Variants in PMEL observed in about 807,000 individuals in gnomAD.
PMEL encodes premelanosome protein.
In PMEL, 53 loss-of-function variants were observed where a neutral mutation model predicts 64.9. That is an observed-to-expected ratio of 0.82 (90% CI 0.66 to 1.03). The LOEUF (loss-of-function observed/expected upper bound fraction) is 1.03. Among genes scored for constraint, PMEL ranks in the 50% least tolerant of loss-of-function variants. The probability of loss-of-function intolerance (pLI) is 0.00; values close to 1 mark genes in which losing one functional copy is unlikely to be tolerated. For synonymous variants in PMEL, 299 were observed against 316.2 expected, an observed-to-expected ratio of 0.95 and a Z score of 0.58; for missense variants, 716 against 814.9, an observed-to-expected ratio of 0.88 and a Z score of 1.48.
At chr12:55,957,796 G>A in intron 5 of PMEL, 125 bp from the exon 6 acceptor site, 1 of 1,511,612 alleles carries the variant, frequency 6.6e-7, no homozygotes, top group Non-Finnish European at 8.9e-7. Context: ...ACATTTCTCT[G>A]CCTAGGTCTT....
chr12:55,955,236 G>C (rs1233305914), intron 10 of PMEL, 38 bp downstream of exon 10: 3 of 1,387,760 alleles, frequency 2.2e-6, no homozygotes, highest in Admixed American at 1.7e-5. Flanking sequence ...GTGATAATAA[G>C]GGATAAGGGG....
intron 1 of PMEL, among the ~76,000 whole-genome samples, chr12:55,962,367 C>T (rs561533384): frequency 6.0e-4 from 83 of 138,548 alleles, no homozygotes; most frequent in Non-Finnish European, 7.0e-4. Flanking sequence ...TGCTTGAACC[C>T]GGGAGGCAGA....
rs1888944990 is a variant in PMEL, at chr12:55,957,682, A to G, written c.632-11T>C. The G allele has an allele frequency of 6.2e-7, 1 of 1,602,358 alleles. No individual in the cohort carries two copies. The highest frequency in any genetic ancestry group is 1.3e-5 in the African/African-American group (1 of 74,544). ...AGAAAGGCACCTGGTCTGGGATTGG[A>G]GCCAGAAAAGGTGAGAACCAGGCCT... On this transcript the variant is annotated splice_polypyrimidine_tract_variant and intron_variant, in intron 5 of 10. Coordinates refer to ENST00000548747, the MANE Select transcript of PMEL (RefSeq NM_001384361.1).
Position 55,957,130 on chromosome 12 carries a change from C to T in PMEL, c.1173G>A (p.Glu391=), listed in dbSNP as rs201685117. The part of the protein sequence containing the change: ...VSEVMGTTLA[E]MSTPEATGMT... ...TACCTGTAGCCTCTGGAGTTGACAT[C>T]TCTGCCAGTGTGGTACCCATGACCT... Residue 391 remains glutamate, a synonymous_variant, in exon 6 of 11, where the codon GAG becomes GAA. Coordinates refer to ENST00000548747, the MANE Select transcript of PMEL (RefSeq NM_001384361.1). 192 of 1,614,236 alleles carry T rather than the reference C, an allele frequency of 1.2e-4. 1 individual carries two copies. The East Asian group carries it at 2.5e-3, about 21-fold the overall frequency.
rs948007249 is a variant in PMEL at position 55,961,184 on chromosome 12, G to A, written c.334+133C>T. On this transcript the variant is annotated intron_variant, in intron 3 of 10. Transcript: ENST00000548747. ...TGCGCCACTGCACTCCAGCCTGGGC[G>A]ACAGAGCGAGACTCCGTCTCAAAAA... The A allele has an allele frequency of 2.5e-5, 20 of 787,274 alleles. No homozygotes were observed. The African/African-American group carries it at 2.6e-4, about 10-fold the overall frequency. 48.8% of individuals were successfully genotyped at this position (787,274 alleles called of 1,614,324 possible).
At chr12:55,966,682 G>A (rs1889314402), upstream of PMEL, 2 of 1,091,930 alleles carry the variant, frequency 1.8e-6, no homozygotes, top group Admixed American at 4.7e-5. Flanking sequence ...ACTTGCCTGG[G>A]GCGGGATCAT....
At position 55,954,368 on chromosome 12, in the gene PMEL, G is replaced by A; in HGVS notation, c.1851-19C>T. The A allele has an allele frequency of 2.5e-6, 4 of 1,613,726 alleles. No individual in the cohort carries two copies. The highest frequency in any genetic ancestry group is 2.5e-6 in the Non-Finnish European group (3 of 1,179,788). On this transcript the variant is annotated intron_variant, in intron 10 of 10. Transcript: ENST00000548747. ...TCTGCGCCTGATATTGGGAGAAGGG[G>A]TAAACTGGTTAGCAATGGACAAAGG...
At chr12:55,954,944 A>C (rs1888797809) in intron 10 of PMEL, among the ~76,000 whole-genome samples, 1 of 151,334 alleles carries the variant, frequency 6.6e-6, no homozygotes, top group East Asian at 1.9e-4. Context: ...AACTGCCCCC[A>C]CTCTTCATAT....
At chr12:55,956,859 G>A (rs1452762656) in intron 6 of PMEL, 90 bp downstream of exon 6, 3 of 1,398,176 alleles carry the variant, frequency 2.1e-6, no homozygotes, top group Non-Finnish European at 3.0e-6. Context: ...CTAAGCAAAG[G>A]ATTGGGTAAC....
chr12:55,966,660 C>T (rs940182540), upstream of PMEL: 36 of 1,070,742 alleles, frequency 3.4e-5, no homozygotes, highest in Middle Eastern at 4.5e-4. Flanking sequence ...TTGTCTAGCC[C>T]CCAAGAACCA....
In PMEL at chr12:55,958,649, T is replaced by C. The variant is rs1413210529; in HGVS notation, c.335-42A>G. The C allele has an allele frequency of 3.1e-6, 5 of 1,594,026 alleles. No individual in the cohort carries two copies. In the Admixed American group the frequency reaches 8.8e-5, roughly 28 times the overall value. ...GAGTCACTCTCAAACCCTGGCATTC[T>C]TTTTTGTATATCAAAACCCCTAAAA... On this transcript the variant is annotated intron_variant, in intron 3 of 10. Coordinates refer to ENST00000548747, the MANE Select transcript of PMEL (RefSeq NM_001384361.1).
At chr12:55,959,579 T>C (rs1889023282) in intron 3 of PMEL, among the ~76,000 whole-genome samples, 1 of 151,950 alleles carries the variant, frequency 6.6e-6, no homozygotes, top group Non-Finnish European at 1.5e-5. Context: ...CTGAAGCGGT[T>C]AAATCACCTG....
chr12:55,958,063 C>T lies in PMEL; in HGVS notation c.491G>A (p.Gly164Glu), dbSNP rs745730259. The change falls in exon 5 of 11, where the codon GGG (glycine) becomes GAG (glutamate). Residue 164 changes from glycine (G) to glutamate (E), a missense_variant. Coordinates refer to ENST00000548747, the MANE Select transcript of PMEL (RefSeq NM_001384361.1). ...KTWGQYWQVLGGPVSGLSIGT... is the reference protein window; with the variant it reads ...KTWGQYWQVLEGPVSGLSIGT... ...AATGCTCAGCCCAGACACTGGGCCCCCTAGAACTTGCCAGTATTGGCCTGA... is the reference window on the plus strand; with the variant it reads ...AATGCTCAGCCCAGACACTGGGCCCTCTAGAACTTGCCAGTATTGGCCTGA... 1.2e-6 allele frequency: 2 copies of T among 1,614,088 alleles called. No individual in the cohort carries two copies. The highest frequency in any genetic ancestry group is 2.2e-5 in the South Asian group (2 of 91,078).
chr12:55,957,678 T>C lies in PMEL; in HGVS notation c.632-7A>G. 2.5e-6 allele frequency: 4 copies of C among 1,604,704 alleles called. No individual in the cohort carries two copies. Among genetic ancestry groups the C allele is most frequent in the Middle Eastern group, 1.7e-4 (1 of 5,974 alleles). ...ACGGAGAAAGGCACCTGGTCTGGGATTGGAGCCAGAAAAGGTGAGAACCAG... is the reference window on the plus strand; with the variant it reads ...ACGGAGAAAGGCACCTGGTCTGGGACTGGAGCCAGAAAAGGTGAGAACCAG... On this transcript the variant is annotated splice_polypyrimidine_tract_variant and splice_region_variant and intron_variant, in intron 5 of 10. Coordinates refer to ENST00000548747, the MANE Select transcript of PMEL (RefSeq NM_001384361.1).
intron 1 of PMEL, among the ~76,000 whole-genome samples, chr12:55,963,118 C>T (rs1889169093): frequency 6.6e-6 from 1 of 151,594 alleles, no homozygotes; most frequent in Non-Finnish European, 1.5e-5. Flanking sequence ...GATCACACCA[C>T]TGCACTCCAG....
intron 6 of PMEL, chr12:55,956,553 T>C: frequency 9.5e-6 from 3 of 316,040 alleles, no homozygotes; most frequent in Non-Finnish European, 1.8e-5. Context: ...CCTCCCTTTT[T>C]GCTTTGGGAT....
intron 3 of PMEL, among the ~76,000 whole-genome samples, chr12:55,959,253 T>C (rs1889011186): frequency 6.6e-6 from 1 of 151,368 alleles, no homozygotes; most frequent in Non-Finnish European, 1.5e-5. Context: ...GGTGTGGTGG[T>C]ATGCACCTGT....
Position 55,959,576 on chromosome 12 carries a change from G to A in PMEL, c.335-969C>T, listed in dbSNP as rs867650417. On this transcript the variant is annotated intron_variant, in intron 3 of 10. Coordinates refer to ENST00000548747, the MANE Select transcript of PMEL (RefSeq NM_001384361.1). ...TCCTAGCACTTTGGGAGTCTGAAGC[G>A]GTTAAATCACCTGAGGTCAGGAGTT... Among the ~76,000 whole-genome samples the A allele has an allele frequency of 5.3e-4, 81 of 151,984 alleles. 1 individual carries two copies. Among genetic ancestry groups the A allele is most frequent in the African/African-American group, 1.8e-3 (74 of 41,462 alleles).
rs368158227 is a variant in PMEL, at chr12:55,954,165, T to C, written c.*49A>G. The C allele has an allele frequency of 3.0e-5, 46 of 1,545,418 alleles. No homozygotes were observed. The African/African-American group carries it at 5.3e-4, about 18-fold the overall frequency. ...CTCCCAGGGAAGACTGGGGGAAATATAGGTGTTTCTGTCAACTCCAGGAAA... is the reference window on the plus strand; with the variant it reads ...CTCCCAGGGAAGACTGGGGGAAATACAGGTGTTTCTGTCAACTCCAGGAAA... On this transcript the variant is annotated 3_prime_UTR_variant, in exon 11 of 11. Coordinates refer to ENST00000548747, the MANE Select transcript of PMEL (RefSeq NM_001384361.1).
Sources: allele counts gnomAD v4.1 joint callset (sites outside exome capture counted in the v4.1 genomes callset), GRCh38; gene constraint gnomAD v4.1.1; transcripts MANE v1.5; gene names NCBI Gene and HGNC (gene_info 2026-07-23, HGNC 2026-07-21).